Variants in AP1G1 observed in about 807,000 individuals in gnomAD.
AP1G1 encodes adaptor related protein complex 1 subunit gamma 1.
AP1G1 carries 7 observed loss-of-function variants against 108.3 expected under a neutral mutation model. The observed-to-expected ratio is 0.06, with a 90% CI of 0.04 to 0.12. The LOEUF (loss-of-function observed/expected upper bound fraction) is 0.12. Ranked by LOEUF, AP1G1 falls within the 10% of genes least tolerant of loss-of-function variation. The pLI is 1.00. For synonymous variants in AP1G1, 379 were observed against 353.5 expected (o/e 1.07, Z -0.81); for missense variants, 756 against 1,010.7 (o/e 0.75, Z 3.42).
intron 21 of AP1G1, among the ~76,000 whole-genome samples, chr16:71,736,551 ATTATTTAT>A (rs369844976): frequency 0.29 from 30,916 of 106,114 alleles, 4,644 homozygotes; most frequent in Non-Finnish European, 0.35. Flanking sequence ...CGGCTAATTT[ATTATTTAT>A]TTATTTATTT....
chr16:71,748,510 G>A (rs2030303627), intron 15 of AP1G1, 132 bp from the exon 16 acceptor site: 1 of 1,078,386 alleles, frequency 9.3e-7, no homozygotes, highest in African/African-American at 1.6e-5. Context: ...CTCAACCTGT[G>A]CTTTGCCAGG....
At chr16:71,758,740 G>T in intron 11 of AP1G1, 68 bp downstream of exon 11, 1 of 885,360 alleles carries the variant, frequency 1.1e-6, no homozygotes, top group Non-Finnish European at 1.8e-6. Context: ...CAGCGGCATA[G>T]AGCTATCAAT....
In AP1G1 at chr16:71,789,245, T is replaced by TAC. The variant is rs768273432; in HGVS notation, c.201+32_201+33dup. On this transcript the variant is annotated intron_variant, in intron 2 of 22. Transcript: ENST00000299980. ...ATCCCTGAGCAACAATGTCAAAGAA[T>TAC]ACCCTTGCTACATGTAGTCTCAGCC... 1.2e-5 allele frequency: 19 copies of TAC among 1,575,908 alleles called. No individual in the cohort carries two copies. In the African/African-American group the frequency reaches 2.6e-4, roughly 21 times the overall value.
chr16:71,761,779 T>C (rs567325668), intron 9 of AP1G1, among the ~76,000 whole-genome samples: 89 of 135,702 alleles, frequency 6.6e-4, no homozygotes, highest in African/African-American at 2.2e-3. Flanking sequence ...ATCATACCAC[T>C]GTATTCCAGT....
intron 10 of AP1G1, among the ~76,000 whole-genome samples, chr16:71,760,472 G>A (rs973377701): frequency 1.3e-5 from 2 of 151,380 alleles, no homozygotes; most frequent in Non-Finnish European, 2.9e-5. Context: ...TTGAACTCGG[G>A]AGGCGGAGGT....
At chr16:71,738,747 T>C (rs955679745) in intron 21 of AP1G1, among the ~76,000 whole-genome samples, 195 bp downstream of exon 21, 1 of 152,222 alleles carries the variant, frequency 6.6e-6, no homozygotes, top group Non-Finnish European at 1.5e-5. Context: ...ACCATCAGAA[T>C]ACTTGTAACC....
chr16:71,748,929 C>T (rs890735526), intron 15 of AP1G1, among the ~76,000 whole-genome samples: 6 of 151,298 alleles, frequency 4.0e-5, no homozygotes, highest in Non-Finnish European at 8.8e-5. Flanking sequence ...TGTTTTGAGA[C>T]GGAGTCTGGC....
At chr16:71,802,480 G>A (rs1279450583) in intron 1 of AP1G1, among the ~76,000 whole-genome samples, 2 of 152,000 alleles carry the variant, frequency 1.3e-5, no homozygotes, top group Non-Finnish European at 2.9e-5. Flanking sequence ...CTGTAATCCC[G>A]GCACTTTGGG....
chr16:71,786,480 G>C (rs79084465), intron 2 of AP1G1, among the ~76,000 whole-genome samples: 2 of 150,220 alleles, frequency 1.3e-5, no homozygotes, highest in Non-Finnish European at 3.0e-5. Context: ...TTTTTTTTTT[G>C]AGAAAGAGTC....
intron 1 of AP1G1, among the ~76,000 whole-genome samples, chr16:71,792,889 T>G (rs1172117539): frequency 6.6e-6 from 1 of 150,950 alleles, no homozygotes; most frequent in East Asian, 1.9e-4. Flanking sequence ...CAAGTGAGGC[T>G]GGGCACGGTG....
At chr16:71,794,972 A>C (rs548554330) in intron 1 of AP1G1, among the ~76,000 whole-genome samples, 46 of 150,908 alleles carry the variant, frequency 3.0e-4, no homozygotes, top group Non-Finnish European at 1.2e-4. Flanking sequence ...CTTGATAAAT[A>C]CTATATTTAT....
chr16:71,764,365 T>C lies in AP1G1; in HGVS notation c.903A>G (p.Ser301=), dbSNP rs745743908. 4.4e-6 allele frequency: 7 copies of C among 1,598,216 alleles called. No individual in the cohort carries two copies. In the Admixed American group the frequency reaches 1.2e-4, roughly 28 times the overall value. ...ETVLTIMDIK[S]ESGLRVLAIN... is the part of the protein sequence containing the mutation. Reference sequence around the variant, plus strand: ...AAAGACTTACTCGCAATCCACTCTCTGACTTAATATCCATGATAGTCAAAA... The same window carrying C: ...AAAGACTTACTCGCAATCCACTCTCCGACTTAATATCCATGATAGTCAAAA... The change falls in exon 9 of 23, where the codon TCA becomes TCG. Residue 301 remains serine, a synonymous_variant. Coordinates refer to ENST00000299980, the MANE Select transcript of AP1G1 (RefSeq NM_001128.6).
chr16:71,759,422 C>T (rs546044496), intron 10 of AP1G1, among the ~76,000 whole-genome samples: 7 of 152,130 alleles, frequency 4.6e-5, no homozygotes, highest in African/African-American at 1.7e-4. Flanking sequence ...GATCATGCCA[C>T]TGCACTCCAG....
chr16:71,743,159 C>T (rs1178082857), intron 19 of AP1G1: 1 of 151,814 alleles, frequency 6.6e-6, no homozygotes, highest in African/African-American at 2.4e-5. Flanking sequence ...TTTTCTTTGC[C>T]GGTTATCCAG....
intron 5 of AP1G1, among the ~76,000 whole-genome samples, chr16:71,770,212 C>A (rs114451477): frequency 6.6e-6 from 1 of 152,148 alleles, no homozygotes. Context: ...ATAATAAATA[C>A]GTGCTCCAAA....
At chr16:71,733,221 G>A (rs1343828473) in intron 22 of AP1G1, 62 bp from the exon 23 acceptor site, 20 of 1,327,904 alleles carry the variant, frequency 1.5e-5, no homozygotes, top group African/African-American at 2.9e-5. Flanking sequence ...AATCTGTCCG[G>A]TCCACAAATA....
chr16:71,758,632 T>C, intron 11 of AP1G1, 176 bp downstream of exon 11: 1 of 605,898 alleles, frequency 1.7e-6, no homozygotes. Flanking sequence ...GCCAATCCTT[T>C]CTAAAAAAAG....
intron 2 of AP1G1, among the ~76,000 whole-genome samples, chr16:71,775,708 T>C (rs1038760538): frequency 6.6e-6 from 1 of 152,118 alleles, no homozygotes; most frequent in Non-Finnish European, 1.5e-5. Context: ...ATGTGGAAAG[T>C]ATGTGAACCA....
Position 71,808,788 on chromosome 16 carries a change from G to A in AP1G1, c.-29C>T, listed in dbSNP as rs1352514261. 1.6e-6 allele frequency: 2 copies of A among 1,289,604 alleles called. No homozygotes were observed. Among genetic ancestry groups the A allele is most frequent in the Non-Finnish European group, 1.0e-6 (1 of 988,790 alleles). 79.9% of individuals were successfully genotyped at this position (1,289,604 alleles called of 1,614,324 possible). On this transcript the variant is annotated 5_prime_UTR_variant, in exon 1 of 23. Coordinates refer to ENST00000299980, the MANE Select transcript of AP1G1 (RefSeq NM_001128.6). ...CGGCCCGAAACCTCGAATGAAACCA[G>A]CAGCTCCGGGGGCGGCGGCAGCAGT... is the stretch of plus-strand genomic sequence containing the variant.
Sources: gnomAD v4.1 joint callset for allele counts (sites outside exome capture counted in the v4.1 genomes callset) on GRCh38, gnomAD v4.1.1 for gene constraint, MANE v1.5 for transcripts, NCBI Gene and HGNC (gene_info 2026-07-23, HGNC 2026-07-21) for gene names.